Variants in USH2A observed in about 807,000 individuals in gnomAD.
USH2A encodes the protein Usher syndrome 2A (autosomal recessive, mild).
USH2A carries 443 observed loss-of-function variants against 538.9 expected under a neutral mutation model. The ratio of observed to expected loss-of-function variants is 0.82; its 90% CI spans 0.76 to 0.89. The LOEUF (loss-of-function observed/expected upper bound fraction) is 0.89, where lower values mean the gene tolerates loss of function less well. USH2A is among the 40% of genes least tolerant of loss of function. The pLI is 0.00. For missense variants in USH2A, 6,633 were observed against 6,324.8 expected, an observed-to-expected ratio of 1.05 and a Z score of -1.65; for synonymous variants, 2,413 against 2,273.5, an observed-to-expected ratio of 1.06 and a Z score of -1.75.
At chr1:216,378,189 T>G (rs983232533) in intron 3 of USH2A, among the ~76,000 whole-genome samples, 1 of 152,148 alleles carries the variant, frequency 6.6e-6, no homozygotes, top group African/African-American at 2.4e-5. Context: ...TAATGAAGGT[T>G]GATATTAAAT....
chr1:215,729,138 A>ATTGAGGATGATCC, intron 60 of USH2A, among the ~76,000 whole-genome samples: 1 of 152,238 alleles, frequency 6.6e-6, no homozygotes, highest in Admixed American at 6.5e-5. Context: ...GTGTTTGCAC[A>ATTGAGGATGATCC]TTGAGGATGA....
chr1:216,339,435 A>G (rs1263894203), intron 4 of USH2A, among the ~76,000 whole-genome samples: 1 of 151,704 alleles, frequency 6.6e-6, no homozygotes, highest in Non-Finnish European at 1.5e-5. Flanking sequence ...CAATCTAATA[A>G]TAAAAGTATA....
At chr1:216,389,722 C>G (rs548586994) in intron 3 of USH2A, among the ~76,000 whole-genome samples, 1 of 152,140 alleles carries the variant, frequency 6.6e-6, no homozygotes, top group Non-Finnish European at 1.5e-5. Flanking sequence ...TTCTTCAGTA[C>G]AAATACCAAT....
intron 32 of USH2A, among the ~76,000 whole-genome samples, chr1:216,004,407 GTGTCTTGAAA>G (rs1277297876): frequency 1.3e-5 from 2 of 152,116 alleles, no homozygotes; most frequent in Non-Finnish European, 2.9e-5. Context: ...TGAGATTATG[GTGTCTTGAAA>G]GTCAAAGGAA....
chr1:215,847,113 C>T (rs191579273), intron 44 of USH2A, among the ~76,000 whole-genome samples: 30 of 152,228 alleles, frequency 2.0e-4, no homozygotes, highest in African/African-American at 6.0e-4. Flanking sequence ...TATTTTTTCT[C>T]CTCTTCCTCC....
intron 21 of USH2A, among the ~76,000 whole-genome samples, chr1:216,144,339 G>A (rs898554346): frequency 5.3e-5 from 8 of 151,806 alleles, no homozygotes; most frequent in African/African-American, 1.9e-4. Flanking sequence ...GGACTGCAGG[G>A]TTTTTTGCTT....
At chr1:216,102,554 C>A (rs1317753107) in intron 21 of USH2A, among the ~76,000 whole-genome samples, 1 of 152,092 alleles carries the variant, frequency 6.6e-6, no homozygotes, top group Non-Finnish European at 1.5e-5. Flanking sequence ...AATCCCAGCA[C>A]TTTGGGAGGC....
chr1:216,092,753 G>A (rs547565424), intron 22 of USH2A, among the ~76,000 whole-genome samples: 5 of 152,220 alleles, frequency 3.3e-5, no homozygotes, highest in African/African-American at 1.2e-4. Context: ...CTCATGGCCC[G>A]TGAGCACATA....
At chr1:216,354,673 A>T (rs1355503499) in intron 4 of USH2A, among the ~76,000 whole-genome samples, 1 of 152,186 alleles carries the variant, frequency 6.6e-6, no homozygotes, top group Non-Finnish European at 1.5e-5. Flanking sequence ...AGTCAAATAG[A>T]AAGTATCCAA....
chr1:215,717,843 G>A (rs983386974), intron 61 of USH2A, among the ~76,000 whole-genome samples: 4 of 152,074 alleles, frequency 2.6e-5, no homozygotes, highest in African/African-American at 9.7e-5. Context: ...GTAGGTAAAC[G>A]GAAAATACCC....
Position 216,059,170 on chromosome 1 carries a change from A to T in USH2A, c.6050-10523T>A, listed in dbSNP as rs117869367. Among the ~76,000 whole-genome samples the T allele has an allele frequency of 5.9e-5, 9 of 152,348 alleles. No homozygotes were observed. The East Asian group carries it at 1.7e-3, about 29-fold the overall frequency. ...TATATAATATATGAACGTACATAAC[A>T]TACACATATACATACATATATAGAG... On this transcript the variant is annotated intron_variant, in intron 30 of 71. Coordinates refer to ENST00000307340, the MANE Select transcript of USH2A (RefSeq NM_206933.4).
At chr1:216,356,351 T>G (rs1189096532) in intron 4 of USH2A, among the ~76,000 whole-genome samples, 3 of 152,174 alleles carry the variant, frequency 2.0e-5, no homozygotes, top group Admixed American at 1.3e-4. Context: ...ATGCTTCCAT[T>G]TATTATTTTG....
In USH2A at chr1:216,128,337, A is replaced by T. The variant is rs186162519; in HGVS notation, c.4628-31124T>A. ...ATGAGGCTTAGAGTGTTTGATTCTG[A>T]AGGTATAAAGTATGGATTTGAATTC... On this transcript the variant is annotated intron_variant, in intron 21 of 71. Coordinates refer to ENST00000307340, the MANE Select transcript of USH2A (RefSeq NM_206933.4). Among the ~76,000 whole-genome samples, 643 of 152,162 alleles carry T rather than the reference A, an allele frequency of 4.2e-3. 2 individuals are homozygous for T. The highest frequency in any genetic ancestry group is 5.1e-3 in the Non-Finnish European group (349 of 67,960).
At chr1:216,014,679 G>C (rs72744680) in intron 32 of USH2A, among the ~76,000 whole-genome samples, 25,949 of 152,162 alleles carry the variant, frequency 0.17, 2,520 homozygotes, top group South Asian at 0.3. Context: ...GTTGTGGACA[G>C]GGAAAAACAG....
chr1:215,636,518 A>G (rs1656497691), intron 69 of USH2A, among the ~76,000 whole-genome samples: 1 of 152,242 alleles, frequency 6.6e-6, no homozygotes, highest in African/African-American at 2.4e-5. Context: ...AAAACAAACC[A>G]GCCTAGGTTG....
chr1:215,770,146 T>C (rs560820164), intron 55 of USH2A, among the ~76,000 whole-genome samples: 5 of 152,196 alleles, frequency 3.3e-5, no homozygotes, highest in Non-Finnish European at 5.9e-5. Context: ...TTGTCCACTA[T>C]CAGGCTTTGT....
At chr1:215,866,053 A>G (rs1412940919) in intron 44 of USH2A, among the ~76,000 whole-genome samples, 2 of 152,160 alleles carry the variant, frequency 1.3e-5, no homozygotes, top group African/African-American at 2.4e-5. Context: ...TACCCCAGTG[A>G]GCAGAGTGTT....
intron 48 of USH2A, among the ~76,000 whole-genome samples, chr1:215,816,337 A>C (rs1301661465): frequency 6.6e-6 from 1 of 152,058 alleles, no homozygotes; most frequent in African/African-American, 2.4e-5. Context: ...TGTCAGCCAT[A>C]ATAATTTGTA....
chr1:215,655,716 C>A (rs979918494), intron 64 of USH2A, among the ~76,000 whole-genome samples: 4 of 140,506 alleles, frequency 2.8e-5, no homozygotes, highest in African/African-American at 1.1e-4. Context: ...TGTTACTGTG[C>A]TAGTTATTCT....
Sources: allele counts gnomAD v4.1 joint callset (sites outside exome capture counted in the v4.1 genomes callset), GRCh38; gene constraint gnomAD v4.1.1; transcripts MANE v1.5; gene names NCBI Gene and HGNC (gene_info 2026-07-23, HGNC 2026-07-21).